ZBBX: variants seen among roughly 807,000 people sequenced by gnomAD.
ZBBX encodes the protein zinc finger B-box domain-containing protein 1.
Under a neutral mutation model 108.5 loss-of-function variants are expected in ZBBX, and 101 were observed. The observed-to-expected ratio is 0.93, with a 90% CI of 0.79 to 1.10. ZBBX has a LOEUF of 1.10. ZBBX is among the 50% of genes least tolerant of loss of function. The pLI is 0.00. For missense variants in ZBBX, 1,009 were observed against 941.4 expected (o/e 1.07, Z -0.94); for synonymous variants, 356 against 323.4 (o/e 1.10, Z -1.08).
chr3:167,278,810 T>G (rs987956465), intron 20 of ZBBX, among the ~76,000 whole-genome samples: 2 of 150,424 alleles, frequency 1.3e-5, no homozygotes, highest in African/African-American at 4.9e-5. Flanking sequence ...AAGAGAATTT[T>G]AGACCAATAT....
intron 14 of ZBBX, among the ~76,000 whole-genome samples, chr3:167,316,797 C>A (rs1735532389): frequency 1.3e-5 from 2 of 151,902 alleles, no homozygotes; most frequent in Non-Finnish European, 2.9e-5. Context: ...ATTGACAATA[C>A]CAGTTTAGCT....
intron 9 of ZBBX, among the ~76,000 whole-genome samples, chr3:167,349,302 T>C (rs1247483612): frequency 6.6e-6 from 1 of 152,128 alleles, no homozygotes; most frequent in Non-Finnish European, 1.5e-5. Context: ...AATTCTATAT[T>C]ATTCATATAT....
chr3:167,321,363 G>A (rs1397277595), intron 12 of ZBBX, among the ~76,000 whole-genome samples: 1 of 152,014 alleles, frequency 6.6e-6, no homozygotes. Context: ...GGTAGAATTA[G>A]AACCAAGTTT....
chr3:167,367,461 C>T (rs1745488969), intron 5 of ZBBX, among the ~76,000 whole-genome samples: 1 of 151,576 alleles, frequency 6.6e-6, no homozygotes, highest in African/African-American at 2.4e-5. Context: ...ACTACGTAGC[C>T]ACTAAGAAAA....
the ZBBX span, among the ~76,000 whole-genome samples, chr3:167,213,797 C>T: frequency 6.6e-6 from 1 of 152,056 alleles, no homozygotes; most frequent in Non-Finnish European, 1.5e-5. Flanking sequence ...AGCAGGTCAC[C>T]TACAAAGGGC....
At chr3:167,253,404 G>A (rs141758429) in intron 20 of ZBBX, among the ~76,000 whole-genome samples, 8 of 152,274 alleles carry the variant, frequency 5.3e-5, no homozygotes, top group African/African-American at 1.7e-4. Flanking sequence ...TCATCTATCT[G>A]AAAAATCTTA....
intron 20 of ZBBX, among the ~76,000 whole-genome samples, chr3:167,263,064 G>A (rs1189420373): frequency 8.6e-6 from 1 of 115,654 alleles, no homozygotes; most frequent in Admixed American, 1.1e-4. Context: ...TTGAGATGGA[G>A]TCTAGTTCTG....
chr3:167,182,911 C>A, the ZBBX span, among the ~76,000 whole-genome samples: 2 of 152,122 alleles, frequency 1.3e-5, no homozygotes, highest in African/African-American at 2.4e-5. Flanking sequence ...GGGGTGTATC[C>A]TAACAGGGAA....
the ZBBX span, among the ~76,000 whole-genome samples, chr3:167,202,029 G>A: frequency 6.6e-6 from 1 of 152,056 alleles, no homozygotes; most frequent in Non-Finnish European, 1.5e-5. Flanking sequence ...GCATGTTCCT[G>A]CTCTGTTTCA....
chr3:167,342,509 G>A (rs1327702396), intron 9 of ZBBX, among the ~76,000 whole-genome samples: 1 of 151,386 alleles, frequency 6.6e-6, no homozygotes, highest in African/African-American at 2.4e-5. Context: ...TAACCATAAT[G>A]CTTTTAAAAA....
intron 8 of ZBBX, among the ~76,000 whole-genome samples, chr3:167,354,657 A>G (rs1743226105): frequency 6.6e-6 from 1 of 151,944 alleles, no homozygotes; most frequent in South Asian, 2.1e-4. Context: ...ACATGGTTAT[A>G]TCATTATATT....
chr3:167,350,549 T>G, intron 8 of ZBBX, 34 bp from the exon 9 acceptor site: 1 of 1,422,898 alleles, frequency 7.0e-7, no homozygotes, highest in Non-Finnish European at 9.6e-7. Flanking sequence ...TTATACAATC[T>G]TATAAAATAG....
At chr3:167,259,256 G>A (rs143091416) in intron 20 of ZBBX, among the ~76,000 whole-genome samples, 2,124 of 152,142 alleles carry the variant, frequency 0.014, 26 homozygotes, top group South Asian at 0.026. Context: ...AGTTTATGCG[G>A]GTAAAGCTGT....
At chr3:167,325,551 A>T (rs919907638) in intron 11 of ZBBX, among the ~76,000 whole-genome samples, 3 of 152,162 alleles carry the variant, frequency 2.0e-5, no homozygotes, top group African/African-American at 7.2e-5. Context: ...GACACAGCCA[A>T]ACCATAACAC....
Position 167,271,587 on chromosome 3 carries a change from C to T in ZBBX, c.2254+10651G>A, listed in dbSNP as rs781101534. ...TCCTGCCTCACTTGCATCAAGGGAC[C>T]CACTGGGGACCCAAAGCCATGTGTG... On this transcript the variant is annotated intron_variant, in intron 20 of 21. Transcript: ENST00000675490. Among the ~76,000 whole-genome samples the T allele has an allele frequency of 7.2e-4, 110 of 152,254 alleles. 1 individual carries two copies. Among genetic ancestry groups the T allele is most frequent in the Middle Eastern group, 6.8e-3 (2 of 294 alleles).
At chr3:167,192,414 A>C in the ZBBX span, among the ~76,000 whole-genome samples, 1 of 152,162 alleles carries the variant, frequency 6.6e-6, no homozygotes, top group Non-Finnish European at 1.5e-5. Flanking sequence ...TTGAATAAAA[A>C]GGATTTTCCT....
chr3:167,247,286 A>G (rs1366785271), intron 20 of ZBBX, among the ~76,000 whole-genome samples: 2 of 152,010 alleles, frequency 1.3e-5, no homozygotes, highest in Non-Finnish European at 2.9e-5. Flanking sequence ...ACACTGACAG[A>G]CTCTGGCACA....
At chr3:167,211,750 C>G in the ZBBX span, among the ~76,000 whole-genome samples, 1 of 151,928 alleles carries the variant, frequency 6.6e-6, no homozygotes, top group South Asian at 2.1e-4. Flanking sequence ...CTAATCTGTT[C>G]CTCCTCACTG....
chr3:167,385,311 A>C (rs986050884), intron 1 of ZBBX, among the ~76,000 whole-genome samples: 2 of 152,036 alleles, frequency 1.3e-5, no homozygotes, highest in African/African-American at 2.4e-5. Flanking sequence ...ATCTAAGCAT[A>C]TGTAAACACA....
Sources: gnomAD v4.1 joint callset for allele counts (sites outside exome capture counted in the v4.1 genomes callset) on GRCh38, gnomAD v4.1.1 for gene constraint, MANE v1.5 for transcripts, NCBI Gene and HGNC (gene_info 2026-07-23, HGNC 2026-07-21) for gene names.